Variants in GABRB2 observed in about 807,000 individuals in gnomAD.
GABRB2 encodes the protein gamma-aminobutyric acid receptor subunit beta-2.
In GABRB2, 16 loss-of-function variants were observed where a neutral mutation model predicts 54.7. The ratio of observed to expected loss-of-function variants is 0.29; its 90% CI spans 0.20 to 0.44. The LOEUF is 0.44. Ranked by LOEUF, GABRB2 falls within the 20% of genes least tolerant of loss-of-function variation. GABRB2 has a pLI of 1.00. For synonymous variants in GABRB2, 244 were observed against 233.8 expected (o/e 1.04, Z -0.40); for missense variants, 355 against 644.0 (o/e 0.55, Z 4.86).
intron 4 of GABRB2, among the ~76,000 whole-genome samples, chr5:161,421,359 A>G (rs932253032): frequency 6.6e-6 from 1 of 152,206 alleles, no homozygotes; most frequent in African/African-American, 2.4e-5. Context: ...CCCCCAGATA[A>G]CTGAAATGAC....
chr5:161,428,360 A>G (rs1757074665), intron 4 of GABRB2, among the ~76,000 whole-genome samples: 1 of 151,150 alleles, frequency 6.6e-6, no homozygotes, highest in Middle Eastern at 3.2e-3. Context: ...AAAAATTACT[A>G]ACACAATTTT....
intron 3 of GABRB2, among the ~76,000 whole-genome samples, chr5:161,506,464 T>C (rs1160991708): frequency 2.0e-5 from 3 of 152,138 alleles, no homozygotes; most frequent in African/African-American, 7.2e-5. Context: ...TTGAAGGGCT[T>C]ACATTATCTG....
chr5:161,542,638 AGTCAATGACAATTTAAATG>A (rs976369899), intron 3 of GABRB2, among the ~76,000 whole-genome samples: 15 of 152,344 alleles, frequency 9.8e-5, no homozygotes, highest in African/African-American at 3.6e-4. Flanking sequence ...AGTACAAATG[AGTCAATGACAATTTAAATG>A]GTCTGGTTCC....
intron 2 of GABRB2, 65 bp from the exon 3 acceptor site, chr5:161,545,359 C>A (rs1002696569): frequency 7.7e-7 from 1 of 1,297,980 alleles, no homozygotes; most frequent in Non-Finnish European, 1.1e-6. Context: ...CAAGAGTTAT[C>A]CCTGAGCATA....
At chr5:161,443,369 T>C (rs1757521292) in intron 4 of GABRB2, among the ~76,000 whole-genome samples, 1 of 152,168 alleles carries the variant, frequency 6.6e-6, no homozygotes, top group South Asian at 2.1e-4. Flanking sequence ...ATCCCATTTA[T>C]GATAGAACAA....
intron 9 of GABRB2, 27 bp from the exon 10 acceptor site, chr5:161,294,455 A>C (rs998279475): frequency 6.3e-7 from 1 of 1,589,974 alleles, no homozygotes; most frequent in Non-Finnish European, 8.6e-7. Flanking sequence ...TCAAAAAGAC[A>C]ATCAGAACAA....
At chr5:161,492,539 T>A (rs2113355905) in intron 3 of GABRB2, among the ~76,000 whole-genome samples, 1 of 149,848 alleles carries the variant, frequency 6.7e-6, no homozygotes, top group Middle Eastern at 3.4e-3. Flanking sequence ...TTTATTGTTT[T>A]CCTTTGGAAT....
chr5:161,373,978 G>C (rs1349612319), intron 5 of GABRB2, among the ~76,000 whole-genome samples: 1 of 151,668 alleles, frequency 6.6e-6, no homozygotes, highest in Non-Finnish European at 1.5e-5. Flanking sequence ...AGTTTTGCTC[G>C]TGTTGCCCAG....
At chr5:161,531,232 G>A (rs1760450980) in intron 3 of GABRB2, among the ~76,000 whole-genome samples, 11 of 151,980 alleles carry the variant, frequency 7.2e-5, no homozygotes, top group Admixed American at 7.2e-4. Flanking sequence ...CTTAGTTTAT[G>A]GCATTCTTTA....
At chr5:161,409,276 T>C (rs766780611) in intron 5 of GABRB2, among the ~76,000 whole-genome samples, 1 of 152,094 alleles carries the variant, frequency 6.6e-6, no homozygotes, top group Non-Finnish European at 1.5e-5. Context: ...TGATTCCCTA[T>C]AGTTGTAAAG....
chr5:161,519,938 T>A (rs201860425), intron 3 of GABRB2, among the ~76,000 whole-genome samples: 1 of 152,154 alleles, frequency 6.6e-6, no homozygotes, highest in Non-Finnish European at 1.5e-5. Flanking sequence ...AAATTACATA[T>A]CTAACATCAT....
At chr5:161,532,525 T>G (rs1250128214) in intron 3 of GABRB2, among the ~76,000 whole-genome samples, 1 of 152,126 alleles carries the variant, frequency 6.6e-6, no homozygotes, top group African/African-American at 2.4e-5. Context: ...ACTCAGATGA[T>G]TATTGCACAG....
intron 3 of GABRB2, among the ~76,000 whole-genome samples, chr5:161,499,116 T>G (rs948774260): frequency 1.3e-5 from 2 of 152,138 alleles, no homozygotes; most frequent in African/African-American, 4.8e-5. Flanking sequence ...ATTGGCCCCC[T>G]GGACCCACTT....
chr5:161,462,725 AC>A (rs1389022789), intron 3 of GABRB2, among the ~76,000 whole-genome samples: 5 of 152,168 alleles, frequency 3.3e-5, no homozygotes, highest in African/African-American at 1.2e-4. Context: ...ATGCTCCCAG[AC>A]AGGCCCTGGT....
In GABRB2 at chr5:161,546,581, A is replaced by G. The variant is rs773566479; in HGVS notation, c.63T>C (p.Ala21=). The G allele has an allele frequency of 6.3e-7, 1 of 1,599,268 alleles. No individual in the cohort carries two copies. Among genetic ancestry groups the G allele is most frequent in the Non-Finnish European group, 8.5e-7 (1 of 1,172,130 alleles). ...GIWSFPLIIA[A]VCAQSVNDPS... ...GGCACACTTACCTCTGCGCACAGAC[A>G]GCGGCGATTATTAAGGGGAAGGACC... The change falls in exon 1 of 10, where the codon GCT becomes GCC. Residue 21 remains alanine, a synonymous_variant. Coordinates refer to ENST00000393959, the MANE Select transcript of GABRB2 (RefSeq NM_001371727.1).
chr5:161,396,607 C>A (rs1001781771), intron 5 of GABRB2, among the ~76,000 whole-genome samples: 1 of 152,098 alleles, frequency 6.6e-6, no homozygotes, highest in Non-Finnish European at 1.5e-5. Flanking sequence ...TTATCAGCTA[C>A]AGGATGCCTG....
chr5:161,316,256 A>G (rs2113372616), intron 9 of GABRB2, among the ~76,000 whole-genome samples: 1 of 152,306 alleles, frequency 6.6e-6, no homozygotes, highest in East Asian at 1.9e-4. Context: ...GAGACTCCTG[A>G]ACCTCAGTCT....
intron 9 of GABRB2, among the ~76,000 whole-genome samples, chr5:161,314,952 A>T (rs1757979792): frequency 6.6e-6 from 1 of 152,208 alleles, no homozygotes; most frequent in African/African-American, 2.4e-5. Context: ...TTGTCTTAAG[A>T]TTGAAAACTA....
chr5:161,429,749 CT>C (rs1561647087), intron 4 of GABRB2, among the ~76,000 whole-genome samples: 1 of 152,078 alleles, frequency 6.6e-6, no homozygotes, highest in African/African-American at 2.4e-5. Context: ...GGATTTAAGT[CT>C]AATCAAGGAG....
Sources: gnomAD v4.1 joint callset for allele counts (sites outside exome capture counted in the v4.1 genomes callset) on GRCh38, gnomAD v4.1.1 for gene constraint, MANE v1.5 for transcripts, NCBI Gene and HGNC (gene_info 2026-07-23, HGNC 2026-07-21) for gene names.